The following ETS1 variants were observed in gnomAD, a reference collection of about 807,000 sequenced individuals.
ETS1 encodes protein C-ets-1.
Under a neutral mutation model 58.6 loss-of-function variants are expected in ETS1, and 15 were observed. The observed-to-expected ratio is 0.26, with a 90% CI of 0.17 to 0.39. ETS1 has a LOEUF of 0.39. Among genes scored for constraint, ETS1 ranks in the 10% least tolerant of loss-of-function variants. The probability of loss-of-function intolerance (pLI) is 1.00; values close to 1 mark genes in which losing one functional copy is unlikely to be tolerated. For synonymous variants in ETS1, 214 were observed against 218.2 expected, an observed-to-expected ratio of 0.98 and a Z score of 0.17; for missense variants, 417 against 610.5, an observed-to-expected ratio of 0.68 and a Z score of 3.34.
At chr11:128,564,637 G>A (rs753889810) in intron 2 of ETS1, among the ~76,000 whole-genome samples, 26 of 152,196 alleles carry the variant, frequency 1.7e-4, no homozygotes, top group Non-Finnish European at 3.4e-4. Context: ...CAGTCCTGGG[G>A]ACCTGCAGTT....
rs764608182 is a variant in ETS1, at chr11:128,585,193, G to GGAAAGAAAGAAAGAAA, written c.-15+2279_-15+2294dup. ...GAGAAAGAAAGAAAGAAAGAAGGAA[G>GGAAAGAAAGAAAGAAA]GAAAGAAAGAAAGAAAGAAAGAAAG... On this transcript the variant is annotated intron_variant, in intron 1 of 9. Coordinates refer to ENST00000392668, the MANE Select transcript of ETS1 (RefSeq NM_001143820.2). Among the ~76,000 whole-genome samples, 63 of 15,684 alleles carry GGAAAGAAAGAAAGAAA rather than the reference G, an allele frequency of 4.0e-3. 6 individuals are homozygous for GGAAAGAAAGAAAGAAA. The highest frequency in any genetic ancestry group is 8.7e-3 in the South Asian group (5 of 572). The allele number at this position is 15,684 out of a possible 152,430, so 10.3% of individuals were successfully genotyped here.
In ETS1 at chr11:128,490,517, C is replaced by G. The variant is rs1233620734; in HGVS notation, c.274G>C (p.Ala92Pro). Residue 92 changes from alanine to proline, a missense_variant, in exon 4 of 10, where the codon GCA becomes CCA. Physicochemically the swap from Ala to Pro is conservative, Grantham distance 27. Around this residue, in one of 4 missense-constraint regions of ETS1, gnomAD observed 132 missense variants for 212.1 expected, o/e 0.62. Coordinates refer to ENST00000392668, the MANE Select transcript of ETS1 (RefSeq NM_001143820.2). Reference sequence around the variant, plus strand: ...AAACCACTGAAAGTAGCTTTTAATGCTTGAGACATCATTTCTTTGCTGCTT... The same window carrying G: ...AAACCACTGAAAGTAGCTTTTAATGGTTGAGACATCATTTCTTTGCTGCTT... ...TPSSKEMMSQ[A>P]LKATFSGFTK... is the part of the protein sequence containing the mutation. The G allele has an allele frequency of 1.2e-6, 2 of 1,611,078 alleles. No individual in the cohort carries two copies. The highest frequency in any genetic ancestry group is 1.3e-5 in the African/African-American group (1 of 74,788).
chr11:128,481,118 A>G (rs1042482759), intron 7 of ETS1, among the ~76,000 whole-genome samples: 4 of 151,966 alleles, frequency 2.6e-5, no homozygotes, highest in African/African-American at 9.7e-5. Flanking sequence ...TTTTAAAATC[A>G]CACACACTAT....
At chr11:128,489,980 A>T (rs904450776) in intron 4 of ETS1, among the ~76,000 whole-genome samples, 1 of 152,240 alleles carries the variant, frequency 6.6e-6, no homozygotes, top group Non-Finnish European at 1.5e-5. Flanking sequence ...GTAGTCATTC[A>T]TTCAAATGGC....
intron 1 of ETS1, among the ~76,000 whole-genome samples, chr11:128,586,011 T>C (rs545386710): frequency 2.6e-5 from 4 of 152,108 alleles, no homozygotes; most frequent in Admixed American, 6.5e-5. Flanking sequence ...AGGCTCTGCC[T>C]CAGGACATCC....
chr11:128,506,821 G>A (rs959421399), intron 3 of ETS1, among the ~76,000 whole-genome samples: 1 of 152,148 alleles, frequency 6.6e-6, no homozygotes, highest in Non-Finnish European at 1.5e-5. Flanking sequence ...ACTTATGTGA[G>A]GACTAAAGAG....
At chr11:128,568,378 G>C (rs568557959) in intron 2 of ETS1, among the ~76,000 whole-genome samples, 147 of 152,346 alleles carry the variant, frequency 9.6e-4, no homozygotes, top group African/African-American at 3.4e-3. Context: ...GAGGACAAAA[G>C]TACTGGGCTT....
intron 3 of ETS1, among the ~76,000 whole-genome samples, chr11:128,552,810 CA>C (rs1864252711): frequency 6.6e-6 from 1 of 152,202 alleles, no homozygotes; most frequent in African/African-American, 2.4e-5. Flanking sequence ...GTCTAGGCAC[CA>C]CTCTGAGGCT....
intron 3 of ETS1, among the ~76,000 whole-genome samples, chr11:128,539,059 C>G (rs1352578960): frequency 6.6e-6 from 1 of 152,100 alleles, no homozygotes; most frequent in Non-Finnish European, 1.5e-5. Flanking sequence ...CTAAGTGGAT[C>G]AGAGACATAA....
At chr11:128,481,995 G>A (rs1862500205) in intron 7 of ETS1, among the ~76,000 whole-genome samples, 1 of 152,098 alleles carries the variant, frequency 6.6e-6, no homozygotes, top group African/African-American at 2.4e-5. Flanking sequence ...ATTCAGAGGA[G>A]GGTAATCTCT....
rs144224559 is a variant in ETS1, at chr11:128,494,499, C to T, written c.215-3923G>A. ...TAGTGGCATTTTGAATGCAGGGAAA[C>T]ATCTGCTCATTTTTCATTGTGGCCT... On this transcript the variant is annotated intron_variant, in intron 3 of 9. Transcript: ENST00000392668. Among the ~76,000 whole-genome samples, 534 of 152,310 alleles carry T rather than the reference C, an allele frequency of 3.5e-3. 2 individuals are homozygous for T. Among genetic ancestry groups the T allele is most frequent in the African/African-American group, 0.012 (507 of 41,546 alleles).
chr11:128,522,444 G>A, intron 3 of ETS1: 1 of 702,924 alleles, frequency 1.4e-6, no homozygotes. Flanking sequence ...AGCGAGGGGC[G>A]GGGCGTCGGG....
chr11:128,493,342 C>T (rs7926631), intron 3 of ETS1, among the ~76,000 whole-genome samples: 5,161 of 152,308 alleles, frequency 0.034, 290 homozygotes, highest in African/African-American at 0.11. Flanking sequence ...CAATTCTCCA[C>T]GTAGGTTTCT....
At chr11:128,571,823 A>T (rs999904085) in intron 2 of ETS1, 2 of 152,146 alleles carry the variant, frequency 1.3e-5, no homozygotes, top group Non-Finnish European at 2.9e-5. Context: ...TGGATGGATC[A>T]CCCGAGGTCA....
chr11:128,515,252 T>TCACA (rs34618232), intron 3 of ETS1, among the ~76,000 whole-genome samples: 144 of 150,588 alleles, frequency 9.6e-4, no homozygotes, highest in South Asian at 5.7e-3. Context: ...TATCTCTCTG[T>TCACA]CACACACACA....
At chr11:128,511,711 A>G (rs547865228) in intron 3 of ETS1, among the ~76,000 whole-genome samples, 1 of 152,370 alleles carries the variant, frequency 6.6e-6, no homozygotes, top group South Asian at 2.1e-4. Context: ...GTTTATTAAT[A>G]ACATCATTAT....
chr11:128,555,748 T>G (rs1198526106), intron 3 of ETS1, among the ~76,000 whole-genome samples: 1 of 152,144 alleles, frequency 6.6e-6, no homozygotes, highest in African/African-American at 2.4e-5. Context: ...GGAATGCAGA[T>G]CCATTGATTT....
chr11:128,551,658 C>G (rs1864231606), intron 3 of ETS1, among the ~76,000 whole-genome samples: 1 of 152,158 alleles, frequency 6.6e-6, no homozygotes, highest in African/African-American at 2.4e-5. Context: ...CTGAGGCTTC[C>G]CCTTTTCCAT....
intron 3 of ETS1, among the ~76,000 whole-genome samples, chr11:128,519,179 T>G (rs766699512): frequency 6.6e-6 from 1 of 152,196 alleles, no homozygotes; most frequent in South Asian, 2.1e-4. Context: ...TATTTCAGAG[T>G]ATATGTTAAT....
Sources: allele counts gnomAD v4.1 joint callset (sites outside exome capture counted in the v4.1 genomes callset), GRCh38; gene constraint gnomAD v4.1.1; regional missense constraint gnomAD v4.1.1; transcripts MANE v1.5; gene names NCBI Gene and HGNC (gene_info 2026-07-23, HGNC 2026-07-21).